Variants in DOCK7 observed in about 807,000 individuals in gnomAD.
DOCK7 encodes the protein dedicator of cytokinesis 7.
DOCK7 carries 138 observed loss-of-function variants against 271.0 expected under a neutral mutation model. The observed-to-expected ratio is 0.51, with a 90% CI of 0.44 to 0.59. DOCK7 has a LOEUF of 0.59. Among genes scored for constraint, DOCK7 ranks in the 20% least tolerant of loss-of-function variants. The pLI is 0.00. For missense variants in DOCK7, 2,066 were observed against 2,592.4 expected (o/e 0.80, Z 4.41); for synonymous variants, 823 against 876.1 (o/e 0.94, Z 1.07).
chr1:62,528,045 A>G, intron 31 of DOCK7, 106 bp downstream of exon 31: 2 of 1,154,798 alleles, frequency 1.7e-6, no homozygotes, highest in Non-Finnish European at 1.2e-6. Flanking sequence ...AATAAAACTG[A>G]GCACTTTTGC....
At chr1:62,462,062 A>G (rs1360239775) in intron 48 of DOCK7, among the ~76,000 whole-genome samples, 10 of 141,258 alleles carry the variant, frequency 7.1e-5, no homozygotes, top group Non-Finnish European at 1.5e-4. Flanking sequence ...CAAGAACAAA[A>G]CTCATCTCAA....
In DOCK7 at chr1:62,494,258, A is replaced by T; in HGVS notation, c.5217+17T>A. 6.4e-7 allele frequency: 1 copy of T among 1,563,092 alleles called. No individual in the cohort carries two copies. The highest frequency in any genetic ancestry group is 8.7e-7 in the Non-Finnish European group (1 of 1,144,142). The stretch of plus-strand genomic sequence containing the variant: ...AAAGATATACCTTGATTTAATGTAC[A>T]TCTGGAAGATTCCTACCTGAAATGT... On this transcript the variant is annotated intron_variant, in intron 40 of 49. Transcript: ENST00000635253.
intron 1 of DOCK7, among the ~76,000 whole-genome samples, chr1:62,687,927 G>T (rs1046431640): frequency 6.6e-6 from 1 of 152,198 alleles, no homozygotes; most frequent in African/African-American, 2.4e-5. Context: ...AACCTCCGCA[G>T]AAGTCCAGGC....
chr1:62,562,465 T>C (rs1646359079), intron 18 of DOCK7, among the ~76,000 whole-genome samples: 1 of 152,180 alleles, frequency 6.6e-6, no homozygotes, highest in Non-Finnish European at 1.5e-5. Flanking sequence ...TCTGCTTGCC[T>C]TGGCCTCCCA....
At chr1:62,673,957 G>A (rs920826235) in intron 1 of DOCK7, among the ~76,000 whole-genome samples, 33 of 151,704 alleles carry the variant, frequency 2.2e-4, no homozygotes, top group Non-Finnish European at 4.6e-4. Context: ...AGGGGGAAGG[G>A]GGGGAGGTAG....
chr1:62,665,463 T>C (rs1659187413), intron 1 of DOCK7, among the ~76,000 whole-genome samples: 1 of 151,772 alleles, frequency 6.6e-6, no homozygotes, highest in Non-Finnish European at 1.5e-5. Flanking sequence ...CCCAGCACTT[T>C]AGGAGGCCAA....
intron 12 of DOCK7, among the ~76,000 whole-genome samples, chr1:62,620,224 G>A (rs1251839843): frequency 1.3e-5 from 2 of 152,010 alleles, no homozygotes; most frequent in Non-Finnish European, 2.9e-5. Context: ...ATGGGAGGCT[G>A]AGGCAGGAGA....
At chr1:62,574,651 A>G (rs1244606488) in intron 18 of DOCK7, among the ~76,000 whole-genome samples, 1 of 152,204 alleles carries the variant, frequency 6.6e-6, no homozygotes, top group African/African-American at 2.4e-5. Context: ...GACTTCTTTT[A>G]AAACATGGAC....
rs1164361624 is a variant in DOCK7 at position 62,528,186 on chromosome 1, G to A, written c.3901C>T (p.Leu1301=). 1.9e-6 allele frequency: 3 copies of A among 1,613,486 alleles called. No homozygotes were observed. Among genetic ancestry groups the A allele is most frequent in the Non-Finnish European group, 2.5e-6 (3 of 1,179,744 alleles). Residue 1301 remains leucine (L), a synonymous_variant, in exon 31 of 50, where the codon CTA becomes TTA. Coordinates refer to ENST00000635253, the MANE Select transcript of DOCK7 (RefSeq NM_001367561.1). ...AGGAGGAAACTGCCAGGCCTTGTTA[G>A]TTGAGGGACCGATGTCCCTGCGATT... ...MAIAGTSVPQ[L]TRPGSFLLTS...
intron 11 of DOCK7, among the ~76,000 whole-genome samples, chr1:62,630,769 T>C (rs991548321): frequency 2.0e-5 from 3 of 151,962 alleles, no homozygotes; most frequent in African/African-American, 2.4e-5. Flanking sequence ...TGGTGACTTA[T>C]ATGGTATGTG....
In DOCK7 at chr1:62,654,025, A is replaced by G. The variant is rs2149694416; in HGVS notation, c.279T>C (p.Pro93=). 5 of 1,613,928 alleles carry G rather than the reference A, an allele frequency of 3.1e-6. No individual in the cohort carries two copies. The South Asian group carries it at 5.5e-5, about 18-fold the overall frequency. ...PPDDIEVVYS[P]RDCRTLVSAV... ...CTGAAACAAGAGTTCTGCAGTCCCG[A>G]GGACTATAAACAACTTCAATATCAT... is the stretch of plus-strand genomic sequence containing the variant. Residue 93 remains proline, a synonymous_variant, in exon 3 of 50, where the codon CCT becomes CCC. Coordinates refer to ENST00000635253, the MANE Select transcript of DOCK7 (RefSeq NM_001367561.1).
At chr1:62,622,402 A>ATT (rs879796988) in intron 12 of DOCK7, among the ~76,000 whole-genome samples, 5 of 150,572 alleles carry the variant, frequency 3.3e-5, no homozygotes, top group African/African-American at 9.8e-5. Context: ...TGTGGGTTTG[A>ATT]TTTTTTTTTT....
intron 1 of DOCK7, among the ~76,000 whole-genome samples, chr1:62,666,021 A>G (rs1270947028): frequency 6.6e-6 from 1 of 151,918 alleles, no homozygotes; most frequent in African/African-American, 2.4e-5. Flanking sequence ...AAAATTAGCC[A>G]GGCGTGGTGG....
At chr1:62,644,906 G>A (rs1656457856) in intron 7 of DOCK7, among the ~76,000 whole-genome samples, 1 of 151,722 alleles carries the variant, frequency 6.6e-6, no homozygotes, top group Non-Finnish European at 1.5e-5. Context: ...TTAAATAGTT[G>A]TACAAAAAAA....
At chr1:62,529,980 A>G (rs1261209135) in intron 29 of DOCK7, among the ~76,000 whole-genome samples, 1 of 152,132 alleles carries the variant, frequency 6.6e-6, no homozygotes, top group Non-Finnish European at 1.5e-5. Flanking sequence ...GGTCCTTACA[A>G]CTTTTTTAGA....
At chr1:62,526,200 T>TA (rs1403542379) in intron 31 of DOCK7, among the ~76,000 whole-genome samples, 1 of 152,190 alleles carries the variant, frequency 6.6e-6, no homozygotes, top group Non-Finnish European at 1.5e-5. Context: ...CTCAGTCTCC[T>TA]AAATTTCTGG....
intron 2 of DOCK7, among the ~76,000 whole-genome samples, chr1:62,661,928 T>C (rs539727553): frequency 1.3e-5 from 2 of 152,308 alleles, no homozygotes; most frequent in South Asian, 4.1e-4. Flanking sequence ...AAGGATTATC[T>C]CCATGTACAT....
intron 31 of DOCK7, among the ~76,000 whole-genome samples, chr1:62,525,703 C>T (rs750992026): frequency 3.7e-4 from 56 of 152,112 alleles, no homozygotes; most frequent in Admixed American, 2.8e-3. Context: ...TTTATTATTA[C>T]ATTTTGTACA....
At chr1:62,532,701 T>C (rs1034187872) in intron 29 of DOCK7, among the ~76,000 whole-genome samples, 2 of 152,146 alleles carry the variant, frequency 1.3e-5, no homozygotes, top group Non-Finnish European at 2.9e-5. Flanking sequence ...TTTGAACAGA[T>C]ACCTGAAGAA....
Sources: allele counts gnomAD v4.1 joint callset (sites outside exome capture counted in the v4.1 genomes callset), GRCh38; gene constraint gnomAD v4.1.1; transcripts MANE v1.5; gene names NCBI Gene and HGNC (gene_info 2026-07-23, HGNC 2026-07-21).